The following ZMPSTE24 variants were observed in gnomAD, a reference collection of about 807,000 sequenced individuals.
The protein encoded by ZMPSTE24 is CAAX prenyl protease 1 homolog.
In ZMPSTE24, 48 loss-of-function variants were observed where a neutral mutation model predicts 56.7. The observed-to-expected ratio is 0.85, with a 90% confidence interval of 0.67 to 1.08. The LOEUF (loss-of-function observed/expected upper bound fraction) is 1.08, where lower values mean the gene tolerates loss of function less well. ZMPSTE24 is among the 50% of genes least tolerant of loss of function. The pLI, the probability that ZMPSTE24 is intolerant of heterozygous loss-of-function variation, is 0.00. For missense variants in ZMPSTE24, 503 were observed against 548.7 expected, an observed-to-expected ratio of 0.92 and a Z score of 0.83; for synonymous variants, 172 against 195.2, an observed-to-expected ratio of 0.88 and a Z score of 0.99.
chr1:40,278,141 T>G (rs1643689295), intron 6 of ZMPSTE24, among the ~76,000 whole-genome samples: 1 of 152,104 alleles, frequency 6.6e-6, no homozygotes. Context: ...TTTGTCAAAG[T>G]TTTACTACTA....
chr1:40,281,231 A>T (rs1231843081), intron 6 of ZMPSTE24, 112 bp from the exon 7 acceptor site: 4 of 1,053,190 alleles, frequency 3.8e-6, no homozygotes, highest in Non-Finnish European at 5.8e-6. Flanking sequence ...TTCACATATT[A>T]AATGATTTGA....
At chr1:40,262,818 C>T (rs1460491669) in intron 2 of ZMPSTE24, 29 of 1,179,600 alleles carry the variant, frequency 2.5e-5, no homozygotes, top group Non-Finnish European at 2.6e-5. Context: ...TGACATTTCC[C>T]CTTCTGTTTC....
chr1:40,268,074 T>A (rs997053347), intron 3 of ZMPSTE24, among the ~76,000 whole-genome samples: 7 of 152,254 alleles, frequency 4.6e-5, no homozygotes, highest in African/African-American at 1.7e-4. Flanking sequence ...CAATGGTTTA[T>A]TTCTCAATCA....
At chr1:40,267,305 C>G (rs1643559256) in intron 2 of ZMPSTE24, among the ~76,000 whole-genome samples, 1 of 150,682 alleles carries the variant, frequency 6.6e-6, no homozygotes, top group Admixed American at 6.6e-5. Flanking sequence ...TGAAATAGGT[C>G]TATTTTTTAA....
intron 2 of ZMPSTE24, among the ~76,000 whole-genome samples, chr1:40,267,178 T>C (rs1643558282): frequency 6.6e-6 from 1 of 152,070 alleles, no homozygotes; most frequent in Non-Finnish European, 1.5e-5. Flanking sequence ...TACCATACAA[T>C]TCATATACCA....
At chr1:40,284,413 A>C (rs1420655509) in intron 7 of ZMPSTE24, among the ~76,000 whole-genome samples, 1 of 151,982 alleles carries the variant, frequency 6.6e-6, no homozygotes, top group Non-Finnish European at 1.5e-5. Flanking sequence ...TTAACAGCTT[A>C]CCTCATATAT....
chr1:40,287,240 T>C (rs1643797215), intron 8 of ZMPSTE24, among the ~76,000 whole-genome samples: 1 of 151,886 alleles, frequency 6.6e-6, no homozygotes. Context: ...CTAATTTTTT[T>C]GTATTTTTGG....
intron 8 of ZMPSTE24, among the ~76,000 whole-genome samples, chr1:40,289,420 C>T (rs1313464823): frequency 2.0e-5 from 3 of 152,218 alleles, no homozygotes; most frequent in East Asian, 3.8e-4. Flanking sequence ...ACAATGGTTA[C>T]TTGACAAAAG....
At chr1:40,286,080 A>G (rs775847768) in intron 8 of ZMPSTE24, 51 bp downstream of exon 8, 2 of 1,502,010 alleles carry the variant, frequency 1.3e-6, no homozygotes, top group East Asian at 2.3e-5. Context: ...TCAAATTAGA[A>G]CTATGGCAGG....
At chr1:40,283,190 A>G (rs944845462) in intron 7 of ZMPSTE24, among the ~76,000 whole-genome samples, 15 of 152,300 alleles carry the variant, frequency 9.8e-5, no homozygotes, top group African/African-American at 3.4e-4. Context: ...ACACTAGAGA[A>G]TCATGCAAGT....
At chr1:40,291,969 T>G (rs917485838) in intron 9 of ZMPSTE24, among the ~76,000 whole-genome samples, 1 of 151,680 alleles carries the variant, frequency 6.6e-6, no homozygotes, top group Non-Finnish European at 1.5e-5. Flanking sequence ...GCCTCCTGAA[T>G]AGCTGGGACT....
chr1:40,275,768 A>G (rs1401463495), intron 6 of ZMPSTE24, among the ~76,000 whole-genome samples: 1 of 151,794 alleles, frequency 6.6e-6, no homozygotes, highest in African/African-American at 2.4e-5. Context: ...AAAAAAAAAA[A>G]AAAAAACAAC....
chr1:40,264,898 AAAG>A (rs1376230577), intron 2 of ZMPSTE24, among the ~76,000 whole-genome samples: 1 of 151,504 alleles, frequency 6.6e-6, no homozygotes, highest in Admixed American at 6.6e-5. Context: ...AAAAAAAAAA[AAAG>A]AATGTAGTGA....
intron 2 of ZMPSTE24, among the ~76,000 whole-genome samples, chr1:40,262,084 G>C (rs1043074061): frequency 6.6e-6 from 1 of 152,140 alleles, no homozygotes; most frequent in Non-Finnish European, 1.5e-5. Context: ...ACCACTAAGA[G>C]AAAGATTCCT....
chr1:40,292,622 C>T lies in ZMPSTE24; in HGVS notation c.1381C>T (p.Pro461Ser), dbSNP rs759608939. ...CTCAATGTGGCATTATTCTCATCCT[C>T]CACTGCTAGAGAGACTTCAAGCTTT... ...LFSMWHYSHP[P>S]LLERLQALKT... The change falls in exon 10 of 10, where the codon CCA (proline) becomes TCA (serine). Residue 461 changes from proline to serine, a missense_variant. Physicochemically the swap from Pro to Ser is moderately conservative, Grantham distance 74 (BLOSUM62 -1). Transcript: ENST00000372759. The T allele has an allele frequency of 1.8e-5, 29 of 1,614,122 alleles. 1 individual carries two copies. The South Asian group carries it at 3.2e-4, about 18-fold the overall frequency.
At chr1:40,269,292 G>A (rs954886121) in intron 4 of ZMPSTE24, among the ~76,000 whole-genome samples, 1 of 151,886 alleles carries the variant, frequency 6.6e-6, no homozygotes, top group Admixed American at 6.6e-5. Flanking sequence ...CTACTTGGGA[G>A]GCTAAAGCAG....
chr1:40,272,029 G>T lies in ZMPSTE24; in HGVS notation c.763G>T (p.Val255Leu). Residue 255 changes from valine (V) to leucine (L), a missense_variant, in exon 6 of 10, where the codon GTG becomes TTG. Val to Leu is a conservative substitution (Grantham distance 32, BLOSUM62 1). Transcript: ENST00000372759. ...CTTTCCTTTGACGAAGGTGTATGTTGTGGAAGGTAAGGCTACCTGGGGATA... is the reference window on the plus strand; with the variant it reads ...CTTTCCTTTGACGAAGGTGTATGTTTTGGAAGGTAAGGCTACCTGGGGATA... ...IDFPLTKVYV[V>L]EGSKRSSHSN... 3 of 1,606,418 alleles carry T rather than the reference G, an allele frequency of 1.9e-6. No homozygotes were observed. The highest frequency in any genetic ancestry group is 2.6e-6 in the Non-Finnish European group (3 of 1,175,838).
intron 2 of ZMPSTE24, among the ~76,000 whole-genome samples, chr1:40,264,037 A>G (rs1430589464): frequency 6.6e-6 from 1 of 152,182 alleles, no homozygotes; most frequent in Non-Finnish European, 1.5e-5. Context: ...TCTCATCTTT[A>G]AAATGAGAAG....
At chr1:40,272,639 A>G (rs1335780998) in intron 6 of ZMPSTE24, among the ~76,000 whole-genome samples, 1 of 152,166 alleles carries the variant, frequency 6.6e-6, no homozygotes, top group Non-Finnish European at 1.5e-5. Flanking sequence ...TTGACTTCCC[A>G]TTAACACCCA....
Sources: allele counts gnomAD v4.1 joint callset (sites outside exome capture counted in the v4.1 genomes callset), GRCh38; gene constraint gnomAD v4.1.1; transcripts MANE v1.5; gene names NCBI Gene and HGNC (gene_info 2026-07-23, HGNC 2026-07-21).